The following ANTXR1 variants were observed in gnomAD, a reference collection of about 807,000 sequenced individuals.
The protein encoded by ANTXR1 is ANTXR cell adhesion molecule 1.
ANTXR1 carries 19 observed loss-of-function variants against 78.1 expected under a neutral mutation model. The ratio of observed to expected loss-of-function variants is 0.24; its 90% confidence interval spans 0.17 to 0.36. The LOEUF (loss-of-function observed/expected upper bound fraction) is 0.36, where lower values mean the gene tolerates loss of function less well. Ranked by LOEUF, ANTXR1 falls within the 10% of genes least tolerant of loss-of-function variation. The pLI, the probability that ANTXR1 is intolerant of heterozygous loss-of-function variation, is 1.00. For missense variants in ANTXR1, 518 were observed against 718.6 expected (o/e 0.72, Z 3.19); for synonymous variants, 273 against 260.5 (o/e 1.05, Z -0.46).
At chr2:69,036,371 C>T (rs1669424845) in intron 1 of ANTXR1, among the ~76,000 whole-genome samples, 2 of 152,122 alleles carry the variant, frequency 1.3e-5, no homozygotes, top group Admixed American at 1.3e-4. Flanking sequence ...ACAAACAATC[C>T]AATTATACTT....
In ANTXR1 at chr2:69,096,336, G is replaced by C; in HGVS notation, c.703+5417G>C. The stretch of plus-strand genomic sequence containing the variant: ...AGGGAGGAAGGGAGGAAGGGAGGAA[G>C]GGAGGAAGGGAGGAAGGGAGGAAGG... On this transcript the variant is annotated intron_variant, in intron 9 of 17. Transcript: ENST00000303714. 1.1e-3 allele frequency among the ~76,000 whole-genome samples: 15 copies of C among 13,126 alleles called. 5 individuals carry two copies. The African/African-American group carries it at 0.013, about 11-fold the overall frequency. 8.6% of individuals were successfully genotyped at this position (13,126 alleles called of 152,430 possible).
intron 13 of ANTXR1, among the ~76,000 whole-genome samples, chr2:69,162,037 A>G (rs531385032): frequency 1.3e-5 from 2 of 152,148 alleles, no homozygotes; most frequent in Non-Finnish European, 2.9e-5. Flanking sequence ...AAAAAAATCC[A>G]TTACTATTGA....
chr2:69,213,789 T>C (rs1675109184), intron 17 of ANTXR1, among the ~76,000 whole-genome samples: 1 of 152,252 alleles, frequency 6.6e-6, no homozygotes, highest in Non-Finnish European at 1.5e-5. Flanking sequence ...GTCTCCCACA[T>C]GTGGGTCATG....
chr2:69,123,190 T>A, intron 11 of ANTXR1, 104 bp downstream of exon 11: 2 of 1,225,860 alleles, frequency 1.6e-6, no homozygotes, highest in Non-Finnish European at 2.4e-6. Context: ...AGCCTTTCTC[T>A]AGGTTCCTCC....
chr2:69,024,000 C>G (rs955221945), intron 1 of ANTXR1, among the ~76,000 whole-genome samples: 1 of 152,142 alleles, frequency 6.6e-6, no homozygotes, highest in African/African-American at 2.4e-5. Context: ...TTAAAGGTTT[C>G]TAAGGACAAA....
chr2:69,019,960 T>A (rs941131487), intron 1 of ANTXR1, among the ~76,000 whole-genome samples: 4 of 152,210 alleles, frequency 2.6e-5, no homozygotes, highest in African/African-American at 9.6e-5. Flanking sequence ...TATACCACAT[T>A]TGCTTTGTCT....
chr2:69,137,742 T>C (rs1049365001), intron 12 of ANTXR1, among the ~76,000 whole-genome samples: 4 of 149,398 alleles, frequency 2.7e-5, no homozygotes, highest in African/African-American at 9.9e-5. Flanking sequence ...TAGGTCATGA[T>C]TGCACCACCC....
intron 12 of ANTXR1, among the ~76,000 whole-genome samples, chr2:69,138,112 AG>A (rs1408269380): frequency 3.9e-4 from 59 of 151,734 alleles, no homozygotes; most frequent in African/African-American, 1.4e-3. Context: ...AAAAAAAGAA[AG>A]AAAAAAGAAA....
At chr2:69,175,804 C>G (rs1274113507) in intron 14 of ANTXR1, among the ~76,000 whole-genome samples, 2 of 151,920 alleles carry the variant, frequency 1.3e-5, no homozygotes, top group Non-Finnish European at 2.9e-5. Context: ...ACAATAGGCA[C>G]CTGGCTTTGA....
intron 10 of ANTXR1, among the ~76,000 whole-genome samples, chr2:69,114,366 C>T (rs1672075416): frequency 6.6e-6 from 1 of 152,174 alleles, no homozygotes; most frequent in African/African-American, 2.4e-5. Flanking sequence ...CTGGTGTGCC[C>T]AGAGCTGTGA....
intron 17 of ANTXR1, among the ~76,000 whole-genome samples, chr2:69,211,376 C>G (rs74772470): frequency 0.012 from 1,825 of 152,302 alleles, 39 homozygotes; most frequent in East Asian, 0.097. Context: ...ATCAACTGTG[C>G]CAGCAGGTGT....
chr2:69,108,403 G>A (rs1224584775), intron 10 of ANTXR1, among the ~76,000 whole-genome samples: 1 of 152,130 alleles, frequency 6.6e-6, no homozygotes, highest in Admixed American at 6.5e-5. Context: ...AGCTTTGCCA[G>A]TGTTCAGCAA....
Position 69,026,726 on chromosome 2 carries a change from G to A in ANTXR1, c.152+13075G>A, listed in dbSNP as rs373025591. Among the ~76,000 whole-genome samples the A allele has an allele frequency of 3.9e-5, 6 of 152,304 alleles. No homozygotes were observed. In the East Asian group the frequency reaches 1.2e-3, roughly 29 times the overall value. On this transcript the variant is annotated intron_variant, in intron 1 of 17. Transcript: ENST00000303714. ...CAGAAACTAAAAATTAATGAGCTGA[G>A]GGGCTTAATGGGAGATGAGAAAGCA...
Position 69,217,726 on chromosome 2 carries a change from G to A in ANTXR1, c.1434+24311G>A, listed in dbSNP as rs1474720629. The stretch of plus-strand genomic sequence containing the variant: ...AAGTCAGGGGTGGGAATGGGACAAG[G>A]AGCAGGCCTGGGTGGAGGGCCTGTG... On this transcript the variant is annotated intron_variant, in intron 17 of 17. Transcript: ENST00000303714. Among the ~76,000 whole-genome samples the A allele has an allele frequency of 3.3e-5, 5 of 152,344 alleles. No homozygotes were observed. The East Asian group carries it at 7.7e-4, about 24-fold the overall frequency.
chr2:69,150,496 CT>C, intron 12 of ANTXR1, among the ~76,000 whole-genome samples: 1 of 152,028 alleles, frequency 6.6e-6, no homozygotes, highest in Non-Finnish European at 1.5e-5. Context: ...TTAAAGGAAA[CT>C]TCAGTAGTTT....
intron 12 of ANTXR1, among the ~76,000 whole-genome samples, chr2:69,127,061 A>G (rs1398163032): frequency 6.6e-6 from 1 of 152,194 alleles, no homozygotes; most frequent in Non-Finnish European, 1.5e-5. Context: ...CCTGGGTTAT[A>G]TCAGAGAATG....
chr2:69,066,283 T>C (rs1218856559), intron 3 of ANTXR1, among the ~76,000 whole-genome samples: 1 of 151,374 alleles, frequency 6.6e-6, no homozygotes, highest in African/African-American at 2.4e-5. Flanking sequence ...CCATCTTTTA[T>C]TTTTTTTTCT....
chr2:69,178,904 G>C (rs1674202297), intron 14 of ANTXR1, among the ~76,000 whole-genome samples: 1 of 152,138 alleles, frequency 6.6e-6, no homozygotes, highest in Non-Finnish European at 1.5e-5. Context: ...ACCTAGTTGA[G>C]TCCCCTGTGG....
At chr2:69,052,456 G>A (rs1669956123) in intron 3 of ANTXR1, among the ~76,000 whole-genome samples, 1 of 151,860 alleles carries the variant, frequency 6.6e-6, no homozygotes, top group African/African-American at 2.4e-5. Context: ...TAGTCAACTT[G>A]CATTATTAGA....
Sources: allele counts gnomAD v4.1 joint callset (sites outside exome capture counted in the v4.1 genomes callset), GRCh38; gene constraint gnomAD v4.1.1; transcripts MANE v1.5; gene names NCBI Gene and HGNC (gene_info 2026-07-23, HGNC 2026-07-21).